The following CPED1 variants were observed in gnomAD, a reference collection of about 807,000 sequenced individuals.
CPED1 encodes the protein cadherin like and PC-esterase domain containing 1.
Under a neutral mutation model 128.2 loss-of-function variants are expected in CPED1, and 114 were observed. The observed-to-expected ratio is 0.89, with a 90% confidence interval of 0.76 to 1.04. The LOEUF (loss-of-function observed/expected upper bound fraction) is 1.04, where lower values mean the gene tolerates loss of function less well. CPED1 is among the 50% of genes least tolerant of loss of function. CPED1 has a pLI of 0.00. For synonymous variants in CPED1, 462 were observed against 426.7 expected, an observed-to-expected ratio of 1.08 and a Z score of -1.02; for missense variants, 1,211 against 1,207.1, an observed-to-expected ratio of 1.00 and a Z score of -0.05.
rs960427408 is a variant in CPED1 at position 121,208,047 on chromosome 7, TGTCTTGA to T, written c.2056-28662_2056-28656del. ...TCACTTTCCTACCTCTAGACTCACT[TGTCTTGA>T]GTCTAGCTGTTGTATTTTTTAAGTA... On this transcript the variant is annotated intron_variant, in intron 16 of 22. Coordinates refer to ENST00000310396, the MANE Select transcript of CPED1 (RefSeq NM_024913.5). 2.2e-4 allele frequency among the ~76,000 whole-genome samples: 33 copies of T among 152,124 alleles called. 1 individual carries two copies. The highest frequency in any genetic ancestry group is 6.8e-3 in the Middle Eastern group (2 of 294).
intron 5 of CPED1, among the ~76,000 whole-genome samples, chr7:121,072,103 A>C (rs1450299698): frequency 6.6e-6 from 1 of 151,316 alleles, no homozygotes; most frequent in East Asian, 1.9e-4. Context: ...CTGTCAGCTG[A>C]GGTAGAAACA....
At chr7:121,224,551 CA>C (rs1275086640) in intron 16 of CPED1, among the ~76,000 whole-genome samples, 7 of 152,088 alleles carry the variant, frequency 4.6e-5, no homozygotes, top group African/African-American at 1.7e-4. Flanking sequence ...CTAATATTGA[CA>C]GTGGGGTATT....
intron 16 of CPED1, among the ~76,000 whole-genome samples, chr7:121,235,174 G>A (rs1431496539): frequency 6.6e-6 from 1 of 151,944 alleles, no homozygotes; most frequent in Non-Finnish European, 1.5e-5. Flanking sequence ...AAAAATAAAT[G>A]GTTGGATAGA....
At chr7:121,211,498 C>T (rs2116594779) in intron 16 of CPED1, among the ~76,000 whole-genome samples, 1 of 147,768 alleles carries the variant, frequency 6.8e-6, no homozygotes, top group South Asian at 2.2e-4. Flanking sequence ...ACAGCCAGGC[C>T]TCTGTCTTTA....
At chr7:121,005,200 T>C (rs532099665) in intron 2 of CPED1, among the ~76,000 whole-genome samples, 50 of 152,250 alleles carry the variant, frequency 3.3e-4, no homozygotes, top group African/African-American at 1.1e-3. Context: ...TGTTCCTGTG[T>C]TAGTTTGCTG....
At chr7:121,049,880 G>A (rs1054985164) in intron 4 of CPED1, among the ~76,000 whole-genome samples, 1 of 152,154 alleles carries the variant, frequency 6.6e-6, no homozygotes, top group Non-Finnish European at 1.5e-5. Flanking sequence ...ACATCTGGGG[G>A]GATGTTTGGT....
intron 22 of CPED1, among the ~76,000 whole-genome samples, chr7:121,275,870 C>T (rs1312726465): frequency 1.3e-5 from 2 of 150,530 alleles, no homozygotes; most frequent in East Asian, 1.9e-4. Context: ...CTCCTTTAAA[C>T]TTTACAAGTT....
intron 16 of CPED1, among the ~76,000 whole-genome samples, chr7:121,208,070 T>A (rs1372810728): frequency 6.6e-6 from 1 of 152,018 alleles, no homozygotes; most frequent in African/African-American, 2.4e-5. Context: ...GCTGTTGTAT[T>A]TTTTAAGTAT....
chr7:121,014,380 A>G (rs934102176), intron 2 of CPED1, among the ~76,000 whole-genome samples: 8 of 152,006 alleles, frequency 5.3e-5, no homozygotes, highest in East Asian at 1.9e-4. Flanking sequence ...GTGAAACCCC[A>G]TCTCTACTAA....
At chr7:121,124,577 T>C in intron 8 of CPED1, 104 bp downstream of exon 8, 3 of 872,898 alleles carry the variant, frequency 3.4e-6, no homozygotes, top group Non-Finnish European at 4.8e-6. Flanking sequence ...AAGTAGGTGG[T>C]ACTTGGAAAA....
chr7:121,196,399 A>T (rs796672875), intron 16 of CPED1, among the ~76,000 whole-genome samples: 1 of 152,112 alleles, frequency 6.6e-6, no homozygotes, highest in African/African-American at 2.4e-5. Flanking sequence ...ATGCTTAATC[A>T]GCAGCTTTTG....
intron 2 of CPED1, among the ~76,000 whole-genome samples, chr7:121,003,042 C>T (rs1263270203): frequency 6.6e-6 from 1 of 152,178 alleles, no homozygotes; most frequent in African/African-American, 2.4e-5. Context: ...CATAATATGT[C>T]GAATGAATGG....
intron 21 of CPED1, among the ~76,000 whole-genome samples, chr7:121,270,355 AG>A (rs1792207870): frequency 1.3e-5 from 2 of 152,038 alleles, no homozygotes; most frequent in Admixed American, 1.3e-4. Context: ...CTTTGTTGAT[AG>A]TTTCTTTTGC....
intron 16 of CPED1, among the ~76,000 whole-genome samples, chr7:121,224,787 C>CTTTTTTTTTTTTTT (rs143087799): frequency 4.3e-4 from 24 of 56,250 alleles, no homozygotes; most frequent in African/African-American, 9.2e-4. Flanking sequence ...GCAACCCCTG[C>CTTTTTTTTTTTTTT]TTTTTTTTTT....
intron 16 of CPED1, among the ~76,000 whole-genome samples, chr7:121,192,321 A>G (rs1032684057): frequency 1.3e-5 from 2 of 152,192 alleles, no homozygotes; most frequent in African/African-American, 4.8e-5. Flanking sequence ...AAGAATGCTC[A>G]TTGGAGCGTT....
chr7:121,082,270 T>C (rs2116143241), intron 5 of CPED1, among the ~76,000 whole-genome samples: 1 of 152,304 alleles, frequency 6.6e-6, no homozygotes, highest in Non-Finnish European at 1.5e-5. Context: ...GAAAATAATA[T>C]ATAAGAGATT....
At chr7:121,286,702 T>A (rs957738887) in intron 22 of CPED1, among the ~76,000 whole-genome samples, 3 of 152,174 alleles carry the variant, frequency 2.0e-5, no homozygotes, top group African/African-American at 7.2e-5. Flanking sequence ...TATCACTGGA[T>A]GACATGAGTC....
chr7:121,201,734 G>A (rs1213077060), intron 16 of CPED1, among the ~76,000 whole-genome samples: 1 of 152,100 alleles, frequency 6.6e-6, no homozygotes, highest in Non-Finnish European at 1.5e-5. Context: ...AAAGCAGAAG[G>A]TAAAGCAATC....
chr7:121,256,800 A>G (rs1416588319), intron 18 of CPED1, among the ~76,000 whole-genome samples: 1 of 152,106 alleles, frequency 6.6e-6, no homozygotes, highest in Non-Finnish European at 1.5e-5. Context: ...ACAATAGCAA[A>G]GACATGGAAT....
Sources: gnomAD v4.1 joint callset for allele counts (sites outside exome capture counted in the v4.1 genomes callset) on GRCh38, gnomAD v4.1.1 for gene constraint, MANE v1.5 for transcripts, NCBI Gene and HGNC (gene_info 2026-07-23, HGNC 2026-07-21) for gene names.